PDE1C: variants seen among roughly 807,000 people sequenced by gnomAD.
PDE1C encodes the protein dual specificity calcium/calmodulin-dependent 3',5'-cyclic nucleotide phosphodiesterase 1C.
PDE1C carries 62 observed loss-of-function variants against 93.1 expected under a neutral mutation model. The observed-to-expected ratio is 0.67, with a 90% confidence interval of 0.54 to 0.82. The LOEUF is 0.82. Ranked by LOEUF, PDE1C falls within the 40% of genes least tolerant of loss-of-function variation. The probability of loss-of-function intolerance (pLI) is 0.00; values close to 1 mark genes in which losing one functional copy is unlikely to be tolerated. For synonymous variants in PDE1C, 325 were observed against 310.1 expected (o/e 1.05, Z -0.50); for missense variants, 742 against 884.6 (o/e 0.84, Z 2.04).
chr7:32,325,318 C>A (rs1164795432), intron 1 of PDE1C, among the ~76,000 whole-genome samples: 1 of 152,172 alleles, frequency 6.6e-6, no homozygotes, highest in Non-Finnish European at 1.5e-5. Flanking sequence ...CCCTCTCCTC[C>A]TTTGAGTCTT....
At chr7:31,960,049 T>C (rs945556705) in intron 2 of PDE1C, among the ~76,000 whole-genome samples, 2 of 151,836 alleles carry the variant, frequency 1.3e-5, no homozygotes, top group African/African-American at 4.8e-5. Flanking sequence ...TTTGTATTGT[T>C]AGTAGAGACA....
chr7:32,195,106 T>C (rs931895806), intron 2 of PDE1C, among the ~76,000 whole-genome samples: 1 of 152,214 alleles, frequency 6.6e-6, no homozygotes, highest in African/African-American at 2.4e-5. Context: ...TACATACATT[T>C]AGAACATTAT....
chr7:31,775,593 C>G, intron 17 of PDE1C, 71 bp downstream of exon 17: 1 of 1,287,978 alleles, frequency 7.8e-7, no homozygotes, highest in Non-Finnish European at 1.1e-6. Context: ...TTTATCAACC[C>G]AATTCCCGAG....
intron 1 of PDE1C, among the ~76,000 whole-genome samples, chr7:32,210,517 A>T (rs1805943505): frequency 6.6e-6 from 1 of 152,246 alleles, no homozygotes; most frequent in Non-Finnish European, 1.5e-5. Context: ...TAAACTTATT[A>T]TATCGTTTTA....
At chr7:32,146,308 AT>A (rs1240369473) in intron 3 of PDE1C, among the ~76,000 whole-genome samples, 19 of 152,126 alleles carry the variant, frequency 1.2e-4, no homozygotes, top group African/African-American at 4.6e-4. Flanking sequence ...CAAATGCATT[AT>A]TTTACAGTTC....
chr7:31,695,640 T>G, the PDE1C span: 5 of 1,604,860 alleles, frequency 3.1e-6, no homozygotes, highest in Non-Finnish European at 4.2e-6. Context: ...CAAAGTCATC[T>G]GCACAGCTGT....
At chr7:31,759,508 A>G (rs1368320404) in intron 17 of PDE1C, among the ~76,000 whole-genome samples, 2 of 152,198 alleles carry the variant, frequency 1.3e-5, no homozygotes, top group Non-Finnish European at 2.9e-5. Context: ...CCTTGGGGAT[A>G]CTTTAAAAAA....
chr7:31,938,122 T>G (rs1323380972), intron 2 of PDE1C, among the ~76,000 whole-genome samples: 1 of 152,166 alleles, frequency 6.6e-6, no homozygotes, highest in Non-Finnish European at 1.5e-5. Context: ...TACTCACATG[T>G]ACATTTCACA....
chr7:32,183,493 G>A (rs914137362), intron 2 of PDE1C, among the ~76,000 whole-genome samples: 8 of 152,102 alleles, frequency 5.3e-5, no homozygotes, highest in Non-Finnish European at 1.2e-4. Flanking sequence ...CAGAAATAAT[G>A]CCGCATATCT....
At chr7:32,004,003 C>A (rs888117710) in intron 2 of PDE1C, among the ~76,000 whole-genome samples, 1 of 151,882 alleles carries the variant, frequency 6.6e-6, no homozygotes, top group African/African-American at 2.4e-5. Flanking sequence ...AGACTTCCCA[C>A]TGTATGGAAT....
intron 3 of PDE1C, among the ~76,000 whole-genome samples, chr7:32,135,269 C>A (rs748223715): frequency 2.6e-5 from 4 of 152,106 alleles, no homozygotes; most frequent in Non-Finnish European, 5.9e-5. Flanking sequence ...CTTTGAAAAA[C>A]GTTTAAGGCA....
chr7:32,372,311 C>G (rs1216188831), intron 1 of PDE1C, among the ~76,000 whole-genome samples: 1 of 152,114 alleles, frequency 6.6e-6, no homozygotes, highest in Non-Finnish European at 1.5e-5. Context: ...ACCTCGGCCT[C>G]CCAAAGTGTT....
chr7:31,652,389 T>C, the PDE1C span: 4 of 1,366,306 alleles, frequency 2.9e-6, no homozygotes, highest in Non-Finnish European at 3.9e-6. Flanking sequence ...TATCAGAATC[T>C]GCTGCTGGCT....
At position 31,848,080 on chromosome 7, in the gene PDE1C, G is replaced by A. The variant is rs1347430646; in HGVS notation, c.868C>T (p.Leu290=). The A allele has an allele frequency of 6.2e-7, 1 of 1,612,758 alleles. No individual in the cohort carries two copies. The highest frequency in any genetic ancestry group is 1.7e-5 in the Admixed American group (1 of 59,926). The change falls in exon 9 of 18, where the codon CTG becomes TTG. Residue 290 remains leucine, a synonymous_variant. Coordinates refer to ENST00000396191, the MANE Select transcript of PDE1C (RefSeq NM_001191057.4). ...HIQTRSDPAI[L]YNDRSVLENH... is the part of the protein sequence containing the mutation. ...TCCAGTACAGATCTGTCATTATACA[G>A]AATAGCTGGATCAGACCTGAACAGA...
chr7:31,998,610 A>G lies in PDE1C; in HGVS notation c.128+52944T>C, dbSNP rs116114451. 9.4e-3 allele frequency among the ~76,000 whole-genome samples: 1,435 copies of G among 152,340 alleles called. 27 individuals are homozygous for G. Among genetic ancestry groups the G allele is most frequent in the African/African-American group, 0.033 (1,371 of 41,568 alleles). On this transcript the variant is annotated intron_variant, in intron 2 of 17. Coordinates refer to ENST00000396191, the MANE Select transcript of PDE1C (RefSeq NM_001191057.4). Reference sequence around the variant, plus strand: ...CTTCATAATCAGGTATATGGTCTATAACACAGTTAAAGGGACAGAAGCAGA... The same window carrying G: ...CTTCATAATCAGGTATATGGTCTATGACACAGTTAAAGGGACAGAAGCAGA...
chr7:31,815,931 T>C lies in PDE1C; in HGVS notation c.1806A>G (p.Gln602=). The change falls in exon 15 of 18, where the codon CAA becomes CAG. Residue 602 remains glutamine, a synonymous_variant. Transcript: ENST00000396191. Reference sequence around the variant, plus strand: ...CAGTGTAAGTCTACTCACCATTCTGTTGCTGTTCTCCTGATGACTTCTCGG... The same window carrying C: ...CAGTGTAAGTCTACTCACCATTCTGCTGCTGTTCTCCTGATGACTTCTCGG... ...SKAEKSSGEQ[Q]QNGDFKDGKN... The C allele has an allele frequency of 6.2e-7, 1 of 1,607,852 alleles. No homozygotes were observed. The highest frequency in any genetic ancestry group is 8.5e-7 in the Non-Finnish European group (1 of 1,174,272).
intron 16 of PDE1C, among the ~76,000 whole-genome samples, chr7:31,795,665 T>TA (rs1281195636): frequency 4.8e-4 from 73 of 151,976 alleles, no homozygotes; most frequent in Middle Eastern, 3.4e-3. Flanking sequence ...ACTATGGAGT[T>TA]ACTTGGTAAG....
At chr7:32,070,677 G>A (rs1795948235), upstream of PDE1C, 16 of 1,299,004 alleles carry the variant, frequency 1.2e-5, no homozygotes, top group Non-Finnish European at 1.5e-5. Context: ...GATAGGGATT[G>A]GGATTGGACT....
At chr7:31,829,223 G>A (rs1041073882) in intron 11 of PDE1C, among the ~76,000 whole-genome samples, 1 of 152,022 alleles carries the variant, frequency 6.6e-6, no homozygotes, top group African/African-American at 2.4e-5. Context: ...TAGATCACAG[G>A]TAAGTTATTT....
Sources: gnomAD v4.1 joint callset for allele counts (sites outside exome capture counted in the v4.1 genomes callset) on GRCh38, gnomAD v4.1.1 for gene constraint, MANE v1.5 for transcripts, NCBI Gene and HGNC (gene_info 2026-07-23, HGNC 2026-07-21) for gene names.